ADAM28: variants seen among roughly 807,000 people sequenced by gnomAD.
ADAM28 encodes disintegrin and metalloproteinase domain-containing protein 28.
A neutral mutation model predicts 101.2 loss-of-function variants in ADAM28; 105 were observed. That is an observed-to-expected ratio of 1.04 (90% confidence interval 0.89 to 1.22). The LOEUF (loss-of-function observed/expected upper bound fraction) is 1.22, where lower values mean the gene tolerates loss of function less well. ADAM28 is among the 50% of genes most tolerant of loss of function. ADAM28 has a pLI of 0.00. For missense variants in ADAM28, 1,028 were observed against 945.4 expected, an observed-to-expected ratio of 1.09 and a Z score of -1.15; for synonymous variants, 322 against 310.6, an observed-to-expected ratio of 1.04 and a Z score of -0.39.
chr8:24,335,670 A>G, intron 14 of ADAM28, 29 bp downstream of exon 14: 1 of 1,538,342 alleles, frequency 6.5e-7, no homozygotes, highest in East Asian at 2.3e-5. Context: ...TCCCCTGTGC[A>G]TGTGCGAAGG....
intron 5 of ADAM28, among the ~76,000 whole-genome samples, chr8:24,312,188 AT>A (rs1390031765): frequency 6.6e-6 from 1 of 152,112 alleles, no homozygotes; most frequent in East Asian, 1.9e-4. Flanking sequence ...TCCAGACTTG[AT>A]TATCTAATTT....
At chr8:24,348,061 T>C (rs1815625214) in intron 18 of ADAM28, among the ~76,000 whole-genome samples, 1 of 152,176 alleles carries the variant, frequency 6.6e-6, no homozygotes, top group Admixed American at 6.5e-5. Context: ...TCCACAATTA[T>C]ATAGTTTCTA....
intron 2 of ADAM28, among the ~76,000 whole-genome samples, chr8:24,301,722 A>ATTGAT (rs1445534723): frequency 6.6e-6 from 1 of 152,134 alleles, no homozygotes; most frequent in East Asian, 1.9e-4. Flanking sequence ...AAGCAGCTAA[A>ATTGAT]TTGATTTAAT....
chr8:24,330,633 A>G (rs191019270), intron 11 of ADAM28, among the ~76,000 whole-genome samples: 207 of 152,088 alleles, frequency 1.4e-3, no homozygotes, highest in Non-Finnish European at 1.6e-3. Context: ...CCTCTTTTCT[A>G]TTTTCATTTC....
chr8:24,331,633 A>G (rs1813377198), intron 12 of ADAM28, among the ~76,000 whole-genome samples: 1 of 152,012 alleles, frequency 6.6e-6, no homozygotes, highest in Non-Finnish European at 1.5e-5. Context: ...TTACGTGACT[A>G]TGACTTACCC....
chr8:24,308,626 C>CCTTTCT, intron 2 of ADAM28: 1 of 456,138 alleles, frequency 2.2e-6, no homozygotes, highest in Non-Finnish European at 4.4e-6. Flanking sequence ...TTTTCAATGC[C>CCTTTCT]CTTTCTCTTT....
chr8:24,303,353 T>C (rs190540371), intron 2 of ADAM28, among the ~76,000 whole-genome samples: 1 of 152,140 alleles, frequency 6.6e-6, no homozygotes, highest in Non-Finnish European at 1.5e-5. Flanking sequence ...TTCAATTTTC[T>C]GCATGTGGCT....
chr8:24,337,312 C>T (rs970268840), intron 14 of ADAM28, among the ~76,000 whole-genome samples: 11 of 152,312 alleles, frequency 7.2e-5, no homozygotes, highest in African/African-American at 9.6e-5. Context: ...CTTCAGTATA[C>T]GGCAAAAACC....
intron 2 of ADAM28, among the ~76,000 whole-genome samples, chr8:24,304,669 C>T (rs568663147): frequency 2.0e-4 from 31 of 152,082 alleles, no homozygotes; most frequent in Admixed American, 9.8e-4. Context: ...GGTTCAAGAC[C>T]AACCTGGCCA....
intron 14 of ADAM28, among the ~76,000 whole-genome samples, chr8:24,338,433 A>C (rs77299810): frequency 0.18 from 26,696 of 151,504 alleles, 2,455 homozygotes; most frequent in East Asian, 0.35. Context: ...CTTCTCCCTG[A>C]TTATTCATGA....
intron 1 of ADAM28, among the ~76,000 whole-genome samples, chr8:24,294,458 T>C (rs1264473317): frequency 1.3e-5 from 2 of 152,092 alleles, no homozygotes; most frequent in African/African-American, 4.8e-5. Context: ...AAAGGGACAA[T>C]TTCATACAGC....
At chr8:24,301,625 C>G (rs1489276746) in intron 2 of ADAM28, among the ~76,000 whole-genome samples, 1 of 152,154 alleles carries the variant, frequency 6.6e-6, no homozygotes, top group East Asian at 1.9e-4. Flanking sequence ...GAGCACATAG[C>G]TTATACGTTT....
rs1466136540 is a variant in ADAM28 at position 24,311,286 on chromosome 8, A to T, written c.307-75A>T. 3.5e-6 allele frequency: 4 copies of T among 1,127,174 alleles called. No homozygotes were observed. In the African/African-American group the frequency reaches 6.3e-5, roughly 18 times the overall value. The allele number at this position is 1,127,174 out of a possible 1,614,324, so 69.8% of individuals were successfully genotyped here. A position where few individuals can be genotyped will look rare whatever the true frequency, so the allele number is the denominator to read the frequency against. ...TGAAAGCATTTAAAATCCTGTTTCAAGATTTCAGATGCGGCTTTAGCAGCG... is the reference window on the plus strand; with the variant it reads ...TGAAAGCATTTAAAATCCTGTTTCATGATTTCAGATGCGGCTTTAGCAGCG... On this transcript the variant is annotated intron_variant, in intron 4 of 22. Coordinates refer to ENST00000265769, the MANE Select transcript of ADAM28 (RefSeq NM_014265.6).
At chr8:24,303,119 T>G (rs1038190582) in intron 2 of ADAM28, among the ~76,000 whole-genome samples, 1 of 152,214 alleles carries the variant, frequency 6.6e-6, no homozygotes, top group Non-Finnish European at 1.5e-5. Flanking sequence ...GATAGTTTAT[T>G]TTGCTGTATA....
intron 16 of ADAM28, 34 bp downstream of exon 16, chr8:24,341,791 T>A (rs774506376): frequency 1.7e-5 from 27 of 1,612,686 alleles, no homozygotes; most frequent in Non-Finnish European, 2.2e-5. Context: ...CTCAAAATAG[T>A]GTTTTTTACT....
intron 2 of ADAM28, among the ~76,000 whole-genome samples, chr8:24,307,380 G>A (rs1054916221): frequency 4.6e-5 from 7 of 152,060 alleles, no homozygotes; most frequent in Admixed American, 3.9e-4. Context: ...TGTCAGCTAC[G>A]CCAGGGTTGT....
rs1290149390 is a variant in ADAM28, at chr8:24,358,885, A to G, written c.*4481A>G. The G allele has an allele frequency of 6.6e-6, 1 of 152,224 alleles. No homozygotes were observed. Among genetic ancestry groups the G allele is most frequent in the Non-Finnish European group, 1.5e-5 (1 of 68,046 alleles). The allele number at this position is 152,224 out of a possible 1,614,324, so 9.4% of individuals were successfully genotyped here. On this transcript the variant is annotated 3_prime_UTR_variant, in exon 23 of 23. Transcript: ENST00000265769. ...GATATATCTGACATCTCAATATTAA[A>G]TGACTAAGATGACTAAGTCGTTTAT...
intron 18 of ADAM28, 123 bp from the exon 19 acceptor site, chr8:24,349,741 G>A (rs2129338807): frequency 1.5e-6 from 1 of 653,664 alleles, no homozygotes; most frequent in East Asian, 2.6e-5. Flanking sequence ...ACTGGCTATG[G>A]GAATTTATGT....
At chr8:24,303,898 G>A (rs1035902252) in intron 2 of ADAM28, among the ~76,000 whole-genome samples, 1 of 151,980 alleles carries the variant, frequency 6.6e-6, no homozygotes, top group African/African-American at 2.4e-5. Flanking sequence ...AAGTTCACCT[G>A]TATCTTCTTT....
Sources: allele counts gnomAD v4.1 joint callset (sites outside exome capture counted in the v4.1 genomes callset), GRCh38; gene constraint gnomAD v4.1.1; transcripts MANE v1.5; gene names NCBI Gene and HGNC (gene_info 2026-07-23, HGNC 2026-07-21).